MAP3K19: variants seen among roughly 807,000 people sequenced by gnomAD.
MAP3K19 encodes mitogen-activated protein kinase kinase kinase 19.
MAP3K19 carries 91 observed loss-of-function variants against 114.4 expected under a neutral mutation model. The ratio of observed to expected loss-of-function variants is 0.80; its 90% CI spans 0.67 to 0.95. The LOEUF (loss-of-function observed/expected upper bound fraction) is 0.95, where lower values mean the gene tolerates loss of function less well. Among genes scored for constraint, MAP3K19 ranks in the 40% least tolerant of loss-of-function variants. MAP3K19 has a pLI of 0.00. For synonymous variants in MAP3K19, 518 were observed against 530.5 expected (o/e 0.98, Z 0.32); for missense variants, 1,471 against 1,573.2 (o/e 0.94, Z 1.10).
chr2:135,019,765 T>C (rs182867149), intron 5 of MAP3K19, among the ~76,000 whole-genome samples: 1 of 152,270 alleles, frequency 6.6e-6, no homozygotes, highest in East Asian at 1.9e-4. Context: ...TACAAATGAG[T>C]AAACAGTGCA....
intron 8 of MAP3K19, among the ~76,000 whole-genome samples, chr2:134,993,416 T>G (rs1685753854): frequency 6.6e-6 from 1 of 152,202 alleles, no homozygotes; most frequent in Admixed American, 6.5e-5. Context: ...CCCTTCATTC[T>G]TAATGCATTT....
At position 134,986,973 on chromosome 2, in the gene MAP3K19, T is replaced by A. The variant is rs771149004; in HGVS notation, c.1899A>T (p.Gln633His). 1 of 1,613,538 alleles carries A rather than the reference T, an allele frequency of 6.2e-7. No homozygotes were observed. The highest frequency in any genetic ancestry group is 8.5e-7 in the Non-Finnish European group (1 of 1,179,908). Reference protein sequence around the residue: ...TQKSCVPLSVQPTEPRLNYLD... With the variant: ...TQKSCVPLSVHPTEPRLNYLD... ...GGTAATTTAGTCTTGGCTCTGTCGG[T>A]TGAACAGAGAGAGGAACACATGACT... is the stretch of plus-strand genomic sequence containing the variant. The change falls in exon 10 of 13, where the codon CAA becomes CAT. Residue 633 changes from glutamine (Q) to histidine (H), a missense_variant. Transcript: ENST00000392915.
chr2:134,970,380 G>A (rs1321639607), intron 12 of MAP3K19, among the ~76,000 whole-genome samples: 2 of 151,816 alleles, frequency 1.3e-5, no homozygotes, highest in Non-Finnish European at 2.9e-5. Context: ...ATTTTAAATG[G>A]GATTGCCTTC....
At chr2:135,006,567 T>C (rs1686825447) in intron 5 of MAP3K19, among the ~76,000 whole-genome samples, 1 of 151,904 alleles carries the variant, frequency 6.6e-6, no homozygotes, top group African/African-American at 2.4e-5. Flanking sequence ...CCCAGCACTT[T>C]GGGAGGCTGA....
intron 8 of MAP3K19, among the ~76,000 whole-genome samples, chr2:134,994,801 C>T (rs1201969655): frequency 6.6e-6 from 1 of 152,182 alleles, no homozygotes. Flanking sequence ...TTTAGTGAAA[C>T]TCTTTTAGAT....
At chr2:135,001,157 GAA>G (rs1159756823) in intron 6 of MAP3K19, among the ~76,000 whole-genome samples, 1 of 150,822 alleles carries the variant, frequency 6.6e-6, no homozygotes, top group East Asian at 1.9e-4. Flanking sequence ...ATTCCAAAAT[GAA>G]AAGTTTTGTT....
chr2:135,008,870 C>G (rs1319983789), intron 5 of MAP3K19, among the ~76,000 whole-genome samples: 4 of 152,136 alleles, frequency 2.6e-5, no homozygotes, highest in African/African-American at 9.7e-5. Context: ...CCTTGAACTC[C>G]TGGGCTCAGG....
chr2:135,044,078 A>G (rs1013697929), intron 1 of MAP3K19, among the ~76,000 whole-genome samples: 8 of 152,256 alleles, frequency 5.3e-5, no homozygotes, highest in African/African-American at 1.9e-4. Context: ...TAATAATAAC[A>G]ATAATACAAC....
chr2:135,025,819 C>CCTCT (rs56094196), intron 3 of MAP3K19, among the ~76,000 whole-genome samples: 151,959 of 152,312 alleles, frequency 1, 75,804 homozygotes, highest in Middle Eastern at 1. Context: ...CTCTTCTTAT[C>CCTCT]CTATGTTGTA....
At chr2:135,029,099 G>A (rs1021800247) in intron 3 of MAP3K19, among the ~76,000 whole-genome samples, 2 of 152,184 alleles carry the variant, frequency 1.3e-5, no homozygotes, top group African/African-American at 4.8e-5. Flanking sequence ...TGGGCCGGGC[G>A]CAGTGGCTCA....
chr2:134,995,436 C>T (rs375467828), intron 8 of MAP3K19, among the ~76,000 whole-genome samples: 4 of 152,020 alleles, frequency 2.6e-5, no homozygotes, highest in Admixed American at 1.3e-4. Context: ...CTCAGATGGG[C>T]GGCTGGGCAG....
intron 2 of MAP3K19, among the ~76,000 whole-genome samples, chr2:135,036,926 A>G (rs1688543773): frequency 6.6e-6 from 1 of 152,096 alleles, no homozygotes; most frequent in African/African-American, 2.4e-5. Context: ...GGAGTAGTAG[A>G]GGAAGATGTC....
At chr2:135,031,565 CAG>C (rs1688381439) in intron 2 of MAP3K19, among the ~76,000 whole-genome samples, 1 of 152,104 alleles carries the variant, frequency 6.6e-6, no homozygotes, top group Non-Finnish European at 1.5e-5. Context: ...GGGCAATAGG[CAG>C]ACAGTGAAAG....
chr2:134,983,907 T>C (rs1322993067), intron 10 of MAP3K19, 82 bp from the exon 11 acceptor site: 3 of 948,734 alleles, frequency 3.2e-6, no homozygotes, highest in Non-Finnish European at 4.6e-6. Context: ...TAAAGTCTTC[T>C]TTTCAAATGT....
At chr2:135,012,743 T>G (rs1204120687) in intron 5 of MAP3K19, among the ~76,000 whole-genome samples, 1 of 152,194 alleles carries the variant, frequency 6.6e-6, no homozygotes, top group Non-Finnish European at 1.5e-5. Flanking sequence ...ATTGACTTAT[T>G]ATGGCAGTTA....
chr2:134,970,953 A>G (rs931479908), intron 12 of MAP3K19, among the ~76,000 whole-genome samples: 1 of 152,044 alleles, frequency 6.6e-6, no homozygotes, highest in African/African-American at 2.4e-5. Flanking sequence ...TTCCAATACT[A>G]TGTTGAATAG....
chr2:134,984,200 C>A (rs1684924950), intron 10 of MAP3K19, among the ~76,000 whole-genome samples: 2 of 152,116 alleles, frequency 1.3e-5, no homozygotes, highest in Non-Finnish European at 2.9e-5. Context: ...CCCCTAACCT[C>A]AACTCTCTCC....
At chr2:134,967,327 C>T (rs1211797274) in intron 12 of MAP3K19, among the ~76,000 whole-genome samples, 3 of 152,166 alleles carry the variant, frequency 2.0e-5, no homozygotes, top group South Asian at 2.1e-4. Flanking sequence ...TGAGCGTCCC[C>T]GAGCCCGACA....
In MAP3K19 at chr2:135,023,437, T is replaced by C. The variant is rs770870047; in HGVS notation, c.22+1189A>G. 10 of 533,208 alleles carry C rather than the reference T, an allele frequency of 1.9e-5. 1 individual carries two copies. The highest frequency in any genetic ancestry group is 1.7e-4 in the African/African-American group (9 of 51,948). The allele number at this position is 533,208 out of a possible 1,614,324, so 33.0% of individuals were successfully genotyped here. ...TCATGTCCTCACAATCTCCTCTCTG[T>C]AGAGAACTCCCAAACTAACCTTTCA... On this transcript the variant is annotated intron_variant, in intron 4 of 12. Transcript: ENST00000392915.
Sources: allele counts gnomAD v4.1 joint callset (sites outside exome capture counted in the v4.1 genomes callset), GRCh38; gene constraint gnomAD v4.1.1; transcripts MANE v1.5; gene names NCBI Gene and HGNC (gene_info 2026-07-23, HGNC 2026-07-21).